Variants in BMX observed in about 807,000 individuals in gnomAD.
BMX encodes the protein cytoplasmic tyrosine-protein kinase BMX.
A neutral mutation model predicts 59.2 loss-of-function variants in BMX; 31 were observed. The observed-to-expected ratio is 0.52, with a 90% CI of 0.39 to 0.71. The LOEUF (loss-of-function observed/expected upper bound fraction) is 0.71, where lower values mean the gene tolerates loss of function less well. BMX is among the 30% of genes least tolerant of loss of function. BMX has a pLI of 0.00. For synonymous variants in BMX, 185 were observed against 181.0 expected (o/e 1.02, Z -0.18); for missense variants, 474 against 491.7 (o/e 0.96, Z 0.34).
At position 15,556,103 on chromosome X, in the gene BMX, C is replaced by G; in HGVS notation, c.1984C>G (p.Leu662Val). ...AGAAAAGCGTCCCACATTTCAGCAA[C>G]TCCTGTCTTCCATTGAACCACTTCG... ...LPEKRPTFQQ[L>V]LSSIEPLREK... Residue 662 changes from leucine (L) to valine (V), a missense_variant, in exon 19 of 19, where the codon CTC (leucine) becomes GTC (valine). Leu to Val is a conservative substitution (Grantham distance 32). Transcript: ENST00000348343. 8.3e-7 allele frequency: 1 copy of G among 1,205,763 alleles called. No individual in the cohort carries two copies. Among genetic ancestry groups the G allele is most frequent in the South Asian group, 1.8e-5 (1 of 55,435 alleles).
At chrX:15,536,802 A>T (rs1925377301) in intron 13 of BMX, among the ~76,000 whole-genome samples, 1 of 111,004 alleles carries the variant, frequency 9.0e-6, no homozygotes, top group African/African-American at 3.3e-5. Flanking sequence ...TTATTAAAAA[A>T]ATCTGACAAT....
Position 15,526,584 on chromosome X carries a change from A to ATTT in BMX, c.884+505_884+507dup, listed in dbSNP as rs750402294. 1.3e-3 allele frequency among the ~76,000 whole-genome samples: 122 copies of ATTT among 91,679 alleles called. 1 individual carries two copies. Among genetic ancestry groups the ATTT allele is most frequent in the African/African-American group, 4.5e-3 (110 of 24,489 alleles). 79.6% of individuals were successfully genotyped at this position (91,679 alleles called of 115,157 possible). A position where few individuals can be genotyped will look rare whatever the true frequency, so the allele number is the denominator to read the frequency against. ...TCTCTATTCTTAGGATGACCTTGTC[A>ATTT]TTTTTTTTTTTTTTTTTTGAGACAG... On this transcript the variant is annotated intron_variant, in intron 9 of 18. Coordinates refer to ENST00000348343, the MANE Select transcript of BMX (RefSeq NM_203281.3).
chrX:15,539,327 A>G (rs111538177), intron 14 of BMX, among the ~76,000 whole-genome samples: 5 of 112,171 alleles, frequency 4.5e-5, no homozygotes, highest in African/African-American at 1.6e-4. Context: ...CTGTGCCACA[A>G]TGGGAAAAAG....
At chrX:15,531,229 A>G in intron 10 of BMX, 99 bp from the exon 11 acceptor site, 1 of 683,569 alleles carries the variant, frequency 1.5e-6, no homozygotes, top group Admixed American at 2.5e-5. Flanking sequence ...ATATAAAGTC[A>G]ATCTAAAAGA....
rs370079442 is a variant in BMX, at chrX:15,542,204, C to A, written c.1611+6C>A. The A allele has an allele frequency of 2.1e-4, 255 of 1,205,167 alleles. No individual in the cohort carries two copies. The Middle Eastern group carries it at 2.6e-3, about 12-fold the overall frequency. On this transcript the variant is annotated splice_donor_region_variant and intron_variant, in intron 15 of 18. Coordinates refer to ENST00000348343, the MANE Select transcript of BMX (RefSeq NM_203281.3). Reference sequence around the variant, plus strand: ...AATTCATACACCGGGACTTGGTAAGCAAAGCCATTGGAATTTCAAAGAAAA... The same window carrying A: ...AATTCATACACCGGGACTTGGTAAGAAAAGCCATTGGAATTTCAAAGAAAA...
rs190873241 is a variant in BMX, at chrX:15,521,125, A to T, written c.511-1221A>T. Among the ~76,000 whole-genome samples the T allele has an allele frequency of 7.5e-3, 846 of 112,059 alleles. 22 individuals carry two copies. The highest frequency in any genetic ancestry group is 0.073 in the Admixed American group (776 of 10,571). On this transcript the variant is annotated intron_variant, in intron 6 of 18. Coordinates refer to ENST00000348343, the MANE Select transcript of BMX (RefSeq NM_203281.3). ...AGTGTTCAGCTTGATGAATTTTCACAAACTGAACAATTCTGTATAATCCAC... is the reference window on the plus strand; with the variant it reads ...AGTGTTCAGCTTGATGAATTTTCACTAACTGAACAATTCTGTATAATCCAC...
rs1926431390 is a variant in BMX, at chrX:15,556,255, G to A, written c.*108G>A. The A allele has an allele frequency of 8.8e-6, 6 of 682,893 alleles. No individual in the cohort carries two copies. In the South Asian group the frequency reaches 2.0e-4, roughly 23 times the overall value. The allele number at this position is 682,893 out of a possible 1,213,427, so 56.3% of individuals were successfully genotyped here. On this transcript the variant is annotated 3_prime_UTR_variant, in exon 19 of 19. Coordinates refer to ENST00000348343, the MANE Select transcript of BMX (RefSeq NM_203281.3). ...AATGTAATTTAGCTAGTTTTTAATA[G>A]TGTTCTCTGTATTGTCTATTATTTA...
chrX:15,541,277 C>T (rs1452775388), intron 14 of BMX, among the ~76,000 whole-genome samples: 2 of 110,485 alleles, frequency 1.8e-5, no homozygotes, highest in East Asian at 2.8e-4. Context: ...AGCTACATTA[C>T]GCTCCATTTT....
At chrX:15,516,676 A>T (rs780308984) in intron 5 of BMX, among the ~76,000 whole-genome samples, 10,178 of 105,457 alleles carry the variant, frequency 0.097, 1,155 homozygotes, top group African/African-American at 0.32. Context: ...AACATTATTA[A>T]AAAAAAAAAA....
At chrX:15,547,672 A>C (rs375166095) in intron 17 of BMX, among the ~76,000 whole-genome samples, 7 of 112,181 alleles carry the variant, frequency 6.2e-5, no homozygotes, top group African/African-American at 2.3e-4. Context: ...GCATGTCCCA[A>C]AAAGTCTAAA....
chrX:15,536,424 A>G lies in BMX; in HGVS notation c.1219A>G (p.Asn407Asp), dbSNP rs761221539. 1.7e-6 allele frequency: 2 copies of G among 1,200,758 alleles called. No individual in the cohort carries two copies. Among genetic ancestry groups the G allele is most frequent in the South Asian group, 3.6e-5 (2 of 56,213 alleles). Reference protein sequence around the residue: ...NKVPDSVSLGNGIWELKREEI... With the variant: ...NKVPDSVSLGDGIWELKREEI... The stretch of plus-strand genomic sequence containing the variant: ...GGTCCCCGACTCTGTGTCCCTGGGA[A>G]ATGGTATGGATACATACTTGGGTTC... The change falls in exon 13 of 19, where the codon AAT (asparagine) becomes GAT (aspartate). Residue 407 changes from asparagine to aspartate, a missense_variant. By Grantham distance (23) the Asn-to-Asp change is conservative (BLOSUM62 1). Transcript: ENST00000348343.
At chrX:15,541,808 A>G (rs1925698594) in intron 14 of BMX, among the ~76,000 whole-genome samples, 174 bp from the exon 15 acceptor site, 1 of 111,456 alleles carries the variant, frequency 9.0e-6, no homozygotes, top group African/African-American at 3.3e-5. Context: ...TTTGCCTCCA[A>G]AGATAATTGT....
chrX:15,542,840 A>G (rs1348839110), intron 15 of BMX, among the ~76,000 whole-genome samples: 1 of 111,996 alleles, frequency 8.9e-6, no homozygotes, highest in Non-Finnish European at 1.9e-5. Flanking sequence ...AAAGTGTAAT[A>G]CCTTTTCATG....
At chrX:15,506,020 G>A (rs1923727404) in intron 1 of BMX, among the ~76,000 whole-genome samples, 2 of 110,915 alleles carry the variant, frequency 1.8e-5, no homozygotes, top group African/African-American at 3.3e-5. Context: ...CTCCCTAGTA[G>A]CTGGGACTAC....
intron 1 of BMX, among the ~76,000 whole-genome samples, chrX:15,504,866 G>T (rs1012373929): frequency 1.8e-5 from 2 of 111,628 alleles, no homozygotes; most frequent in Non-Finnish European, 3.8e-5. Context: ...TATGTGGGTG[G>T]TAATATGAGA....
chrX:15,518,377 C>T (rs760715759), intron 6 of BMX, among the ~76,000 whole-genome samples: 2 of 111,358 alleles, frequency 1.8e-5, no homozygotes, highest in South Asian at 7.6e-4. Flanking sequence ...GTGGAAGTAT[C>T]CTGGTGTTGA....
intron 14 of BMX, among the ~76,000 whole-genome samples, 187 bp from the exon 15 acceptor site, chrX:15,541,795 T>G (rs975010517): frequency 9.0e-6 from 1 of 111,549 alleles, no homozygotes; most frequent in African/African-American, 3.3e-5. Context: ...GGCAGAAATT[T>G]TTTTTGCCTC....
intron 4 of BMX, among the ~76,000 whole-genome samples, chrX:15,512,418 A>T (rs1923998816): frequency 9.0e-6 from 1 of 111,534 alleles, no homozygotes. Context: ...TACACCTCAA[A>T]TTACACACAG....
intron 1 of BMX, among the ~76,000 whole-genome samples, chrX:15,506,501 G>GTACC (rs1305402265): frequency 4.5e-5 from 5 of 111,784 alleles, no homozygotes; most frequent in African/African-American, 1.6e-4. Flanking sequence ...AAAGGCAAAA[G>GTACC]TACCCTACAA....
Sources: allele counts gnomAD v4.1 joint callset (sites outside exome capture counted in the v4.1 genomes callset), GRCh38; gene constraint gnomAD v4.1.1; transcripts MANE v1.5; gene names NCBI Gene and HGNC (gene_info 2026-07-23, HGNC 2026-07-21).